Variants in SFXN5 observed in about 807,000 individuals in gnomAD.
SFXN5 encodes sideroflexin-5.
A neutral mutation model predicts 50.2 loss-of-function variants in SFXN5; 43 were observed. The observed-to-expected ratio is 0.86, with a 90% CI of 0.67 to 1.11. The LOEUF is 1.11. Among genes scored for constraint, SFXN5 ranks in the 50% least tolerant of loss-of-function variants. The probability of loss-of-function intolerance (pLI) is 0.00; values close to 1 mark genes in which losing one functional copy is unlikely to be tolerated. For missense variants in SFXN5, 463 were observed against 454.1 expected (o/e 1.02, Z -0.18); for synonymous variants, 203 against 185.8 (o/e 1.09, Z -0.75).
intron 3 of SFXN5, among the ~76,000 whole-genome samples, chr2:73,026,831 C>T (rs1046890103): frequency 8.6e-5 from 13 of 151,960 alleles, no homozygotes; most frequent in Admixed American, 2.6e-4. Context: ...CAGGTTCAAG[C>T]GATTCTCCTG....
chr2:73,003,688 C>A (rs969205278), intron 6 of SFXN5, among the ~76,000 whole-genome samples: 2 of 152,218 alleles, frequency 1.3e-5, no homozygotes, highest in African/African-American at 4.8e-5. Flanking sequence ...CTTCCCTAAC[C>A]TTCCCTTTGT....
At chr2:73,054,480 G>C (rs1438870049) in intron 2 of SFXN5, among the ~76,000 whole-genome samples, 4 of 152,134 alleles carry the variant, frequency 2.6e-5, no homozygotes, top group Non-Finnish European at 5.9e-5. Flanking sequence ...GAATAAAATT[G>C]TGGTACAAGG....
At chr2:72,965,650 C>T (rs958530997) in intron 12 of SFXN5, among the ~76,000 whole-genome samples, 11 of 152,110 alleles carry the variant, frequency 7.2e-5, no homozygotes, top group African/African-American at 1.2e-4. Context: ...CGGCAGAGCC[C>T]GGAAGAAGCA....
chr2:72,954,291 C>G (rs1672840743), intron 13 of SFXN5, among the ~76,000 whole-genome samples: 1 of 152,090 alleles, frequency 6.6e-6, no homozygotes, highest in South Asian at 2.1e-4. Flanking sequence ...AAGCCCTGGC[C>G]CTGGGAGACT....
chr2:73,071,642 C>G lies in SFXN5; in HGVS notation c.64G>C (p.Ala22Pro). ...AASAASASSD[A>P]PPFQLGKPRF... Reference sequence around the variant, plus strand: ...GGTTTGCCCAGTTGGAAAGGAGGTGCATCGCTCGAGGCGCTAGCGGCACTA... The same window carrying G: ...GGTTTGCCCAGTTGGAAAGGAGGTGGATCGCTCGAGGCGCTAGCGGCACTA... Residue 22 changes from alanine to proline, a missense_variant, in exon 1 of 14, where the codon GCA becomes CCA. By Grantham distance (27) the Ala-to-Pro change is conservative (BLOSUM62 -1). Transcript: ENST00000272433. 1.2e-6 allele frequency: 2 copies of G among 1,613,758 alleles called. No individual in the cohort carries two copies. The highest frequency in any genetic ancestry group is 2.2e-5 in the South Asian group (2 of 91,066).
At chr2:73,053,618 T>TA (rs923412554) in intron 2 of SFXN5, 5 of 152,180 alleles carry the variant, frequency 3.3e-5, no homozygotes, top group Non-Finnish European at 7.3e-5. Flanking sequence ...GGGATCTTTT[T>TA]AAAGTGAGGT....
At chr2:73,025,618 G>A (rs1033173542) in intron 3 of SFXN5, among the ~76,000 whole-genome samples, 3 of 152,174 alleles carry the variant, frequency 2.0e-5, no homozygotes, top group African/African-American at 7.2e-5. Flanking sequence ...GTGACAGCAG[G>A]CAGAAGATGT....
At chr2:73,012,916 T>C (rs1675713807) in intron 6 of SFXN5, among the ~76,000 whole-genome samples, 2 of 152,076 alleles carry the variant, frequency 1.3e-5, no homozygotes, top group Non-Finnish European at 1.5e-5. Context: ...TTATAAAGTA[T>C]ATATAATGCA....
At chr2:73,018,484 C>T (rs1676443227) in intron 6 of SFXN5, among the ~76,000 whole-genome samples, 1 of 152,070 alleles carries the variant, frequency 6.6e-6, no homozygotes, top group Non-Finnish European at 1.5e-5. Flanking sequence ...ACTGTATTAA[C>T]AGTATCTAAA....
chr2:73,005,782 G>C (rs1381407835), intron 6 of SFXN5, among the ~76,000 whole-genome samples: 1 of 152,148 alleles, frequency 6.6e-6, no homozygotes, highest in Non-Finnish European at 1.5e-5. Flanking sequence ...CCCCGCCATG[G>C]CATTCAGCAC....
chr2:73,042,491 TA>T (rs1170101867), intron 2 of SFXN5: 2 of 152,026 alleles, frequency 1.3e-5, no homozygotes, highest in Non-Finnish European at 2.9e-5. Context: ...TGCGCACCTG[TA>T]ATCCCAGCTA....
At chr2:73,046,575 A>T (rs1268954284) in intron 2 of SFXN5, among the ~76,000 whole-genome samples, 2 of 152,134 alleles carry the variant, frequency 1.3e-5, no homozygotes, top group African/African-American at 4.8e-5. Flanking sequence ...GCTACTTGTG[A>T]GGGTGAGGTG....
At chr2:73,008,569 C>T (rs1675058805) in intron 6 of SFXN5, among the ~76,000 whole-genome samples, 1 of 152,180 alleles carries the variant, frequency 6.6e-6, no homozygotes, top group African/African-American at 2.4e-5. Flanking sequence ...CCAAGCCGGG[C>T]CCTGCCTCTC....
chr2:72,946,139 C>T (rs775629234), intron 13 of SFXN5, among the ~76,000 whole-genome samples: 7 of 151,770 alleles, frequency 4.6e-5, no homozygotes, highest in African/African-American at 1.5e-4. Flanking sequence ...CTGCCCACTC[C>T]GGGGCCCCCT....
rs140569204 is a variant in SFXN5, at chr2:73,015,654, T to G, written c.357+4585A>C. Among the ~76,000 whole-genome samples the G allele has an allele frequency of 2.3e-4, 35 of 152,306 alleles. No individual in the cohort carries two copies. In the East Asian group the frequency reaches 6.6e-3, roughly 29 times the overall value. ...CTTTTGAAAGCTTTATAAAATTAAG[T>G]TCAGCTCTTCCTTTGGGAACAGTCA... On this transcript the variant is annotated intron_variant, in intron 6 of 13. Transcript: ENST00000272433.
intron 1 of SFXN5, 185 bp downstream of exon 1, chr2:73,071,419 G>A (rs1683603869): frequency 1.7e-6 from 1 of 591,570 alleles, no homozygotes; most frequent in Admixed American, 3.2e-5. Context: ...CAAGATGGGA[G>A]TCCGCGCCCG....
At chr2:73,014,314 T>C (rs1021357080) in intron 6 of SFXN5, among the ~76,000 whole-genome samples, 1 of 152,192 alleles carries the variant, frequency 6.6e-6, no homozygotes, top group Non-Finnish European at 1.5e-5. Context: ...TATAATACTA[T>C]TAGATGGTTT....
Position 73,024,354 on chromosome 2 carries a change from T to C in SFXN5, c.250-1140A>G, listed in dbSNP as rs77946295. Among the ~76,000 whole-genome samples, 88 of 152,090 alleles carry C rather than the reference T, an allele frequency of 5.8e-4. 1 individual carries two copies. In the East Asian group the frequency reaches 0.017, roughly 29 times the overall value. On this transcript the variant is annotated intron_variant, in intron 3 of 13. Coordinates refer to ENST00000272433, the MANE Select transcript of SFXN5 (RefSeq NM_144579.3). ...TTTCAAATCAAGGAAACATGGCAAA[T>C]AAAAATTTACACTGTCGGGGGGCCA...
intron 13 of SFXN5, among the ~76,000 whole-genome samples, chr2:72,946,496 C>T (rs561006431): frequency 2.0e-5 from 3 of 152,292 alleles, no homozygotes; most frequent in East Asian, 1.9e-4. Context: ...TCTGCACATG[C>T]CCTGGGTTAC....
Sources: allele counts gnomAD v4.1 joint callset (sites outside exome capture counted in the v4.1 genomes callset), GRCh38; gene constraint gnomAD v4.1.1; transcripts MANE v1.5; gene names NCBI Gene and HGNC (gene_info 2026-07-23, HGNC 2026-07-21).